Variants in GABBR2 observed in about 807,000 individuals in gnomAD.
GABBR2 encodes the protein G-protein coupled receptor 51.
GABBR2 carries 23 observed loss-of-function variants against 105.6 expected under a neutral mutation model. The ratio of observed to expected loss-of-function variants is 0.22; its 90% CI spans 0.16 to 0.31. The LOEUF (loss-of-function observed/expected upper bound fraction) is 0.31, where lower values mean the gene tolerates loss of function less well. Ranked by LOEUF, GABBR2 falls within the 10% of genes least tolerant of loss-of-function variation. The pLI is 1.00. For synonymous variants in GABBR2, 478 were observed against 499.7 expected (o/e 0.96, Z 0.58); for missense variants, 734 against 1,245.5 (o/e 0.59, Z 6.18).
chr9:98,498,840 T>C (rs1178195393), intron 3 of GABBR2, among the ~76,000 whole-genome samples: 1 of 152,208 alleles, frequency 6.6e-6, no homozygotes, highest in African/African-American at 2.4e-5. Flanking sequence ...GTGGGCCCCA[T>C]GATGAGTTTT....
chr9:98,543,630 T>G (rs561937469), intron 2 of GABBR2, among the ~76,000 whole-genome samples: 167 of 152,326 alleles, frequency 1.1e-3, no homozygotes, highest in African/African-American at 3.6e-3. Context: ...TGAGTCACTG[T>G]GACTACAGGT....
intron 1 of GABBR2, among the ~76,000 whole-genome samples, chr9:98,654,997 CA>C (rs1204250005): frequency 6.6e-6 from 1 of 152,132 alleles, no homozygotes; most frequent in Non-Finnish European, 1.5e-5. Flanking sequence ...CCAATCTGAA[CA>C]AACTACATAC....
At chr9:98,683,857 A>C (rs1830582449) in intron 1 of GABBR2, among the ~76,000 whole-genome samples, 1 of 151,656 alleles carries the variant, frequency 6.6e-6, no homozygotes, top group African/African-American at 2.4e-5. Flanking sequence ...AACTACAAAA[A>C]ATTAGCCGGG....
chr9:98,677,658 A>G (rs572291122), intron 1 of GABBR2, among the ~76,000 whole-genome samples: 3 of 152,204 alleles, frequency 2.0e-5, no homozygotes, highest in South Asian at 2.1e-4. Context: ...AGAAATCCCT[A>G]TGGGATCATC....
At chr9:98,534,425 G>A (rs1195486392) in intron 3 of GABBR2, among the ~76,000 whole-genome samples, 1 of 152,234 alleles carries the variant, frequency 6.6e-6, no homozygotes, top group Admixed American at 6.5e-5. Flanking sequence ...ATAGGGGCCA[G>A]CCACGGGCTA....
intron 11 of GABBR2, among the ~76,000 whole-genome samples, chr9:98,380,443 CT>C (rs2131478248): frequency 6.6e-6 from 1 of 152,360 alleles, no homozygotes; most frequent in East Asian, 1.9e-4. Flanking sequence ...TCCCCACCTG[CT>C]GGACTCCTTG....
At chr9:98,375,532 G>C (rs1160450309) in intron 11 of GABBR2, among the ~76,000 whole-genome samples, 1 of 152,160 alleles carries the variant, frequency 6.6e-6, no homozygotes, top group Non-Finnish European at 1.5e-5. Flanking sequence ...AATCAGACTG[G>C]ATGGGCCAGT....
rs577634881 is a variant in GABBR2 at position 98,490,055 on chromosome 9, C to T, written c.732+6358G>A. Among the ~76,000 whole-genome samples, 34 of 152,186 alleles carry T rather than the reference C, an allele frequency of 2.2e-4. No individual in the cohort carries two copies. In the South Asian group the frequency reaches 6.2e-3, roughly 28 times the overall value. ...TTGCAGTGAGCCGAGATCGTGCCAC[C>T]GCACTCCAGCCTGGGCGACAGAGCA... is the stretch of plus-strand genomic sequence containing the variant. On this transcript the variant is annotated intron_variant, in intron 4 of 18. Transcript: ENST00000259455.
At chr9:98,609,603 A>C (rs1382361094) in intron 1 of GABBR2, among the ~76,000 whole-genome samples, 1 of 152,190 alleles carries the variant, frequency 6.6e-6, no homozygotes, top group Non-Finnish European at 1.5e-5. Flanking sequence ...AACTGGTTGA[A>C]GGGCAGGGCT....
At chr9:98,482,879 C>G (rs930059116) in intron 4 of GABBR2, among the ~76,000 whole-genome samples, 9 of 152,128 alleles carry the variant, frequency 5.9e-5, no homozygotes, top group Non-Finnish European at 1.0e-4. Flanking sequence ...TACTCCTCAT[C>G]ATCAGCTCCT....
Position 98,454,714 on chromosome 9 carries a change from G to A in GABBR2, c.1000-497C>T, listed in dbSNP as rs1826294890. Among the ~76,000 whole-genome samples, 1 of 152,212 alleles carries A rather than the reference G, an allele frequency of 6.6e-6. No homozygotes were observed. The highest frequency in any genetic ancestry group is 1.5e-5 in the Non-Finnish European group (1 of 68,036). Reference sequence around the variant, plus strand: ...GAATTCAGAATTCTGGGACTTCTCTGAGTTTCAGCAGCACAGAGGGAGCTG... The same window carrying A: ...GAATTCAGAATTCTGGGACTTCTCTAAGTTTCAGCAGCACAGAGGGAGCTG... On this transcript the variant is annotated intron_variant, in intron 6 of 18. Transcript: ENST00000259455. This position sits in a 1 kb window ranked among gnomAD's most constrained non-coding sequence, Gnocchi z 4.6.
chr9:98,451,266 T>G (rs1826224548), intron 7 of GABBR2, among the ~76,000 whole-genome samples: 1 of 152,200 alleles, frequency 6.6e-6, no homozygotes, highest in Non-Finnish European at 1.5e-5. Flanking sequence ...TGAGAAGCTC[T>G]TCTTTAATCT....
chr9:98,434,301 T>C (rs4743226), intron 7 of GABBR2, among the ~76,000 whole-genome samples: 75,910 of 151,858 alleles, frequency 0.5, 19,659 homozygotes, highest in East Asian at 0.89. Context: ...AGTCAATACT[T>C]CTTAATAAAC....
chr9:98,492,759 G>A (rs1245830846), intron 4 of GABBR2, among the ~76,000 whole-genome samples: 1 of 152,118 alleles, frequency 6.6e-6, no homozygotes, highest in African/African-American at 2.4e-5. Context: ...GGTTAGACTG[G>A]GGTTATGGGA....
rs561491015 is a variant in GABBR2, at chr9:98,526,206, G to C, written c.630+15667C>G. Among the ~76,000 whole-genome samples, 9 of 152,204 alleles carry C rather than the reference G, an allele frequency of 5.9e-5. No homozygotes were observed. In the South Asian group the frequency reaches 1.2e-3, roughly 21 times the overall value. ...AACATTCTCCAATAGTTTCCCAACT[G>C]ACTCAAAGTATAAGCCAAAGTCTTC... On this transcript the variant is annotated intron_variant, in intron 3 of 18. Coordinates refer to ENST00000259455, the MANE Select transcript of GABBR2 (RefSeq NM_005458.8).
chr9:98,633,502 G>C (rs1829839968), intron 1 of GABBR2, among the ~76,000 whole-genome samples: 1 of 151,716 alleles, frequency 6.6e-6, no homozygotes. Context: ...GCGTGCACCT[G>C]TAATCCCAGC....
At chr9:98,551,150 C>A (rs1451956001) in intron 2 of GABBR2, among the ~76,000 whole-genome samples, 1 of 152,176 alleles carries the variant, frequency 6.6e-6, no homozygotes, top group African/African-American at 2.4e-5. Flanking sequence ...TGCCTGTAAT[C>A]CCAGCACTTT....
At chr9:98,458,728 A>T (rs1444379495) in intron 6 of GABBR2, among the ~76,000 whole-genome samples, 2 of 152,182 alleles carry the variant, frequency 1.3e-5, no homozygotes, top group African/African-American at 4.8e-5. Flanking sequence ...AAACAACCAA[A>T]AGAACAGATG....
At chr9:98,473,389 A>G (rs764860673) in intron 5 of GABBR2, 43 bp from the exon 6 acceptor site, 1 of 1,326,298 alleles carries the variant, frequency 7.5e-7, no homozygotes, top group Admixed American at 1.7e-5. Flanking sequence ...AGAGTCGCAC[A>G]GTTCAAGGCT....
Sources: allele counts gnomAD v4.1 joint callset (sites outside exome capture counted in the v4.1 genomes callset), GRCh38; gene constraint gnomAD v4.1.1; non-coding constraint Gnocchi (gnomAD v3.1); transcripts MANE v1.5; gene names NCBI Gene and HGNC (gene_info 2026-07-23, HGNC 2026-07-21).